TXLNB: variants seen among roughly 807,000 people sequenced by gnomAD.
The protein encoded by TXLNB is taxilin beta.
A neutral mutation model predicts 57.4 loss-of-function variants in TXLNB; 37 were observed. That is an observed-to-expected ratio of 0.64 (90% CI 0.50 to 0.85). The LOEUF (loss-of-function observed/expected upper bound fraction) is 0.85, where lower values mean the gene tolerates loss of function less well. Among genes scored for constraint, TXLNB ranks in the 40% least tolerant of loss-of-function variants. The probability of loss-of-function intolerance (pLI) is 0.00; values close to 1 mark genes in which losing one functional copy is unlikely to be tolerated. For synonymous variants in TXLNB, 302 were observed against 309.6 expected (o/e 0.98, Z 0.26); for missense variants, 848 against 825.6 (o/e 1.03, Z -0.33).
At chr6:139,254,568 C>T (rs1235475521) in intron 7 of TXLNB, among the ~76,000 whole-genome samples, 1 of 152,120 alleles carries the variant, frequency 6.6e-6, no homozygotes, top group Non-Finnish European at 1.5e-5. Context: ...CAGGCAGAGC[C>T]CCAGGTAGGG....
chr6:139,240,454 T>C lies in TXLNB; in HGVS notation c.*2072A>G, dbSNP rs1775906665. The C allele has an allele frequency of 6.5e-6, 1 of 152,680 alleles. No individual in the cohort carries two copies. Among genetic ancestry groups the C allele is most frequent in the African/African-American group, 2.4e-5 (1 of 41,474 alleles). 9.5% of individuals were successfully genotyped at this position (152,680 alleles called of 1,614,324 possible). A position where few individuals can be genotyped will look rare whatever the true frequency, so the allele number is the denominator to read the frequency against. On this transcript the variant is annotated 3_prime_UTR_variant, in exon 10 of 10. Transcript: ENST00000358430. ...GTTTTAGAATATTTGATTTACTGCC[T>C]TTGGGTTCCTCTGCTGCCTGTTTCT... is the stretch of plus-strand genomic sequence containing the variant.
At chr6:139,165,609 C>CT in the TXLNB span, among the ~76,000 whole-genome samples, 1 of 147,298 alleles carries the variant, frequency 6.8e-6, no homozygotes, top group African/African-American at 2.5e-5. Flanking sequence ...TTTACTGACT[C>CT]TATCATGTCT....
chr6:139,317,999 G>A, the TXLNB span, among the ~76,000 whole-genome samples: 8 of 151,886 alleles, frequency 5.3e-5, no homozygotes, highest in East Asian at 2.0e-4. Flanking sequence ...GGCCGGGCAC[G>A]GTGGCTCACG....
At chr6:139,189,602 T>C in the TXLNB span, among the ~76,000 whole-genome samples, 2 of 152,238 alleles carry the variant, frequency 1.3e-5, no homozygotes, top group African/African-American at 4.8e-5. Context: ...TCTCAACTTG[T>C]AGAGATGTGC....
At chr6:139,293,626 A>T (rs540110641), upstream of TXLNB, among the ~76,000 whole-genome samples, 65 of 152,164 alleles carry the variant, frequency 4.3e-4, 2 homozygotes, top group African/African-American at 1.5e-3. Context: ...GTTATTTTTA[A>T]GCTGCTAAAT....
chr6:139,279,283 TC>T (rs1342101617), intron 2 of TXLNB, among the ~76,000 whole-genome samples: 18 of 152,186 alleles, frequency 1.2e-4, no homozygotes, highest in African/African-American at 4.3e-4. Flanking sequence ...AGAAGAGGTT[TC>T]TTTTTGGTTT....
the TXLNB span, among the ~76,000 whole-genome samples, chr6:139,218,478 C>T: frequency 1.4e-4 from 22 of 152,068 alleles, no homozygotes; most frequent in African/African-American, 4.1e-4. Context: ...ATAGGCCAGG[C>T]GTGGTGGCTC....
chr6:139,252,092 C>T (rs572673586), intron 7 of TXLNB, among the ~76,000 whole-genome samples: 2 of 152,326 alleles, frequency 1.3e-5, no homozygotes, highest in South Asian at 4.1e-4. Flanking sequence ...TATTCTGTTG[C>T]CTTGGCTTGT....
the TXLNB span, among the ~76,000 whole-genome samples, chr6:139,313,103 C>T: frequency 2.0e-5 from 3 of 150,632 alleles, no homozygotes; most frequent in South Asian, 2.1e-4. Context: ...GATGGAGTCT[C>T]GCTCTGTTGC....
intron 3 of TXLNB, among the ~76,000 whole-genome samples, chr6:139,273,384 A>G (rs964164487): frequency 1.3e-5 from 2 of 152,204 alleles, no homozygotes; most frequent in African/African-American, 4.8e-5. Context: ...GGAGGAAGAC[A>G]CCCTACAGGT....
chr6:139,322,285 A>G, the TXLNB span, among the ~76,000 whole-genome samples: 1 of 152,184 alleles, frequency 6.6e-6, no homozygotes, highest in Non-Finnish European at 1.5e-5. Flanking sequence ...ACACCCTGGC[A>G]TCTGATGAGG....
chr6:139,194,374 C>T, the TXLNB span, among the ~76,000 whole-genome samples: 1 of 152,228 alleles, frequency 6.6e-6, no homozygotes, highest in Non-Finnish European at 1.5e-5. Flanking sequence ...GAGTATCTAT[C>T]AGACATTTCA....
the TXLNB span, among the ~76,000 whole-genome samples, chr6:139,233,110 A>T: frequency 6.6e-6 from 1 of 151,918 alleles, no homozygotes; most frequent in Non-Finnish European, 1.5e-5. Flanking sequence ...TAAACACTCA[A>T]ATCTGGTACC....
At chr6:139,255,743 T>G in intron 6 of TXLNB, 105 bp from the exon 7 acceptor site, 2 of 806,600 alleles carry the variant, frequency 2.5e-6, no homozygotes, top group South Asian at 1.6e-5. Flanking sequence ...ATTAACCTCC[T>G]TAAGTAATTT....
At chr6:139,237,305 T>A (rs892445240), downstream of TXLNB, 1 of 151,990 alleles carries the variant, frequency 6.6e-6, no homozygotes, top group Non-Finnish European at 1.5e-5. Context: ...ATCGAGACCA[T>A]CCTGGCTAAC....
At chr6:139,263,642 AATTTCCTCCAT>A (rs1425003294) in intron 4 of TXLNB, among the ~76,000 whole-genome samples, 31 of 151,836 alleles carry the variant, frequency 2.0e-4, no homozygotes, top group Admixed American at 9.8e-4. Flanking sequence ...AATGAGCTCC[AATTTCCTCCAT>A]ATCTATATTG....
chr6:139,247,852 C>G lies in TXLNB; in HGVS notation c.1135G>C (p.Glu379Gln), dbSNP rs780110487. 3.1e-6 allele frequency: 5 copies of G among 1,606,280 alleles called. No homozygotes were observed. Among genetic ancestry groups the G allele is most frequent in the Non-Finnish European group, 4.3e-6 (5 of 1,176,328 alleles). ...EFQSTLTKSN[E>Q]VFATFKQEMD... ...TCCTGTTTGAACGTGGCAAACACCTCGTTGCTTTTAGTTAGTGTGCTCTGG... is the reference window on the plus strand; with the variant it reads ...TCCTGTTTGAACGTGGCAAACACCTGGTTGCTTTTAGTTAGTGTGCTCTGG... The change falls in exon 8 of 10, where the codon GAG becomes CAG. Residue 379 changes from glutamate (E) to glutamine (Q), a missense_variant. By Grantham distance (29) the Glu-to-Gln change is conservative (BLOSUM62 2). Coordinates refer to ENST00000358430, the MANE Select transcript of TXLNB (RefSeq NM_153235.4).
chr6:139,165,631 T>G, the TXLNB span, among the ~76,000 whole-genome samples: 7 of 152,138 alleles, frequency 4.6e-5, no homozygotes, highest in Non-Finnish European at 7.4e-5. Context: ...TTTGACATTT[T>G]AGAAATAAAT....
the TXLNB span, among the ~76,000 whole-genome samples, chr6:139,316,042 A>T: frequency 4.6e-5 from 7 of 152,224 alleles, no homozygotes; most frequent in Non-Finnish European, 1.0e-4. Context: ...AATAATAAGT[A>T]AAAAATGACA....
Sources: gnomAD v4.1 joint callset for allele counts (sites outside exome capture counted in the v4.1 genomes callset) on GRCh38, gnomAD v4.1.1 for gene constraint, MANE v1.5 for transcripts, NCBI Gene and HGNC (gene_info 2026-07-23, HGNC 2026-07-21) for gene names.